The following NINL variants were observed in gnomAD, a reference collection of about 807,000 sequenced individuals.
The protein encoded by NINL is ninein-like protein.
A neutral mutation model predicts 160.3 loss-of-function variants in NINL; 153 were observed. That is an observed-to-expected ratio of 0.95 (90% confidence interval 0.84 to 1.09). The LOEUF is 1.09. Among genes scored for constraint, NINL ranks in the 50% least tolerant of loss-of-function variants. NINL has a pLI of 0.00. For missense variants in NINL, 1,829 were observed against 1,764.0 expected, an observed-to-expected ratio of 1.04 and a Z score of -0.66; for synonymous variants, 800 against 734.8, an observed-to-expected ratio of 1.09 and a Z score of -1.43.
chr20:25,530,990 G>A (rs977367440), intron 1 of NINL, among the ~76,000 whole-genome samples: 69 of 152,200 alleles, frequency 4.5e-4, no homozygotes, highest in Admixed American at 3.7e-3. Flanking sequence ...GCCTGGGAGC[G>A]CTACGGGAGA....
intron 2 of NINL, among the ~76,000 whole-genome samples, chr20:25,519,928 CA>C (rs1233247494): frequency 7.9e-6 from 1 of 126,956 alleles, no homozygotes; most frequent in East Asian, 2.7e-4. Flanking sequence ...TGCTTAAGCC[CA>C]GGAGGTCGAG....
Position 25,498,348 on chromosome 20 carries a change from T to C in NINL, c.1033-2A>G. On this transcript the variant is annotated splice_acceptor_variant, in intron 8 of 23. Transcript: ENST00000278886. LOFTEE classifies it high-confidence loss of function. The stretch of plus-strand genomic sequence containing the variant: ...CTCGTCCACGCTGAAGTCCAGGCTC[T>C]GGAAGCAGCAAGCCTGGTAAGCAGG... 6.2e-7 allele frequency: 1 copy of C among 1,612,490 alleles called. No individual in the cohort carries two copies. Among genetic ancestry groups the C allele is most frequent in the East Asian group, 2.2e-5 (1 of 44,874 alleles).
At chr20:25,491,256 C>T in intron 11 of NINL, 95 bp downstream of exon 11, 1 of 1,407,958 alleles carries the variant, frequency 7.1e-7, no homozygotes, top group Non-Finnish European at 9.6e-7. Context: ...AGGGCACTGG[C>T]AGGTGTGGAT....
At chr20:25,509,914 G>C (rs1165368049) in intron 5 of NINL, among the ~76,000 whole-genome samples, 2 of 152,208 alleles carry the variant, frequency 1.3e-5, no homozygotes, top group Admixed American at 1.3e-4. Context: ...TCTCCCCAGG[G>C]GGATCCACTG....
chr20:25,535,810 G>A (rs758983609), intron 1 of NINL, among the ~76,000 whole-genome samples: 6 of 151,962 alleles, frequency 3.9e-5, no homozygotes, highest in Non-Finnish European at 8.8e-5. Flanking sequence ...TCCCTCTCCC[G>A]CAAAATAATC....
chr20:25,494,022 C>T (rs924872202), intron 10 of NINL, among the ~76,000 whole-genome samples: 1 of 152,010 alleles, frequency 6.6e-6, no homozygotes, highest in African/African-American at 2.4e-5. Flanking sequence ...CCAGTGGCAC[C>T]AAGAACGTAC....
intron 23 of NINL, 73 bp from the exon 24 acceptor site, chr20:25,453,715 A>G (rs2072975): frequency 0.18 from 251,236 of 1,398,864 alleles, 23,974 homozygotes; most frequent in East Asian, 0.34. Flanking sequence ...GCTCTCTTTT[A>G]TCCTCCCAGG....
rs144093265 is a variant in NINL at position 25,470,821 on chromosome 20, C to T, written c.3249-726G>A. Among the ~76,000 whole-genome samples the T allele has an allele frequency of 2.6e-5, 4 of 152,212 alleles. No individual in the cohort carries two copies. The East Asian group carries it at 7.7e-4, about 29-fold the overall frequency. On this transcript the variant is annotated intron_variant, in intron 17 of 23. Coordinates refer to ENST00000278886, the MANE Select transcript of NINL (RefSeq NM_025176.6). ...ACCCTCCTGGGCAACATAGTGAGAC[C>T]TTGTCTGTGAAAAAACAAAAAAGAT...
chr20:25,475,977 G>A (rs1402379718), intron 17 of NINL, 66 bp downstream of exon 17: 3 of 1,501,990 alleles, frequency 2.0e-6, no homozygotes, highest in African/African-American at 2.8e-5. Flanking sequence ...AGCAACAGGG[G>A]TCAGTGGGTT....
intron 4 of NINL, among the ~76,000 whole-genome samples, chr20:25,512,115 C>T (rs1194546471): frequency 6.6e-6 from 1 of 152,224 alleles, no homozygotes; most frequent in African/African-American, 2.4e-5. Context: ...GTGATCCCTG[C>T]ATCCCAGGCA....
intron 11 of NINL, 27 bp downstream of exon 11, chr20:25,491,324 T>A: frequency 6.3e-7 from 1 of 1,585,058 alleles, no homozygotes; most frequent in Non-Finnish European, 8.6e-7. Flanking sequence ...CCCCCCAGCT[T>A]CCTGGATGCC....
chr20:25,466,923 A>G (rs1461934868), intron 19 of NINL, among the ~76,000 whole-genome samples: 2 of 152,240 alleles, frequency 1.3e-5, no homozygotes, highest in Non-Finnish European at 2.9e-5. Flanking sequence ...CCTTGGCAAC[A>G]TAGTGAGACC....
At chr20:25,462,631 A>G (rs1041157516) in intron 19 of NINL, 90 bp from the exon 20 acceptor site, 1 of 914,858 alleles carries the variant, frequency 1.1e-6, no homozygotes, top group Non-Finnish European at 1.6e-6. Context: ...CTATATTTTT[A>G]TTAAGTAGTC....
In NINL at chr20:25,522,180, T is replaced by A. The variant is rs553340602; in HGVS notation, c.180+4228A>T. Among the ~76,000 whole-genome samples the A allele has an allele frequency of 6.6e-5, 10 of 152,350 alleles. No homozygotes were observed. In the East Asian group the frequency reaches 1.9e-3, roughly 29 times the overall value. On this transcript the variant is annotated intron_variant, in intron 2 of 23. Coordinates refer to ENST00000278886, the MANE Select transcript of NINL (RefSeq NM_025176.6). ...GCCTTGGCCTACCAAAGTACTGGGATTACAGACCTGAGCCACCATGCCAAG... is the reference window on the plus strand; with the variant it reads ...GCCTTGGCCTACCAAAGTACTGGGAATACAGACCTGAGCCACCATGCCAAG...
chr20:25,476,700 C>G lies in NINL; in HGVS notation c.2591G>C (p.Gly864Ala), dbSNP rs2063256277. 6.3e-7 allele frequency: 1 copy of G among 1,596,644 alleles called. No individual in the cohort carries two copies. The highest frequency in any genetic ancestry group is 1.3e-5 in the African/African-American group (1 of 74,878). ...GERPLAWLAP[G>A]DGRESEEAAG... is the part of the protein sequence containing the mutation. Reference sequence around the variant, plus strand: ...CGCCTCCTCAGACTCTCTGCCATCACCTGGGGCCAGCCAGGCCAGTGGCCG... The same window carrying G: ...CGCCTCCTCAGACTCTCTGCCATCAGCTGGGGCCAGCCAGGCCAGTGGCCG... Residue 864 changes from glycine to alanine, a missense_variant, in exon 17 of 24, where the codon GGT (glycine) becomes GCT (alanine). By Grantham distance (60) the Gly-to-Ala change is moderately conservative (BLOSUM62 0). Coordinates refer to ENST00000278886, the MANE Select transcript of NINL (RefSeq NM_025176.6).
rs548250363 is a variant in NINL, at chr20:25,570,418, C to A, written c.-12+15037G>T. ...TTGGTTGTTTAAAGGCATGTGGCAC[C>A]TCCTCGCTTGCTCTCTCATGCTCCT... On this transcript the variant is annotated intron_variant, in intron 1 of 23. Coordinates refer to ENST00000278886, the MANE Select transcript of NINL (RefSeq NM_025176.6). 3.9e-5 allele frequency among the ~76,000 whole-genome samples: 6 copies of A among 152,142 alleles called. No individual in the cohort carries two copies. In the East Asian group the frequency reaches 1.2e-3, roughly 29 times the overall value.
At chr20:25,532,088 C>A (rs1384820456) in intron 1 of NINL, among the ~76,000 whole-genome samples, 1 of 152,180 alleles carries the variant, frequency 6.6e-6, no homozygotes, top group Non-Finnish European at 1.5e-5. Context: ...ACACTGCAAA[C>A]CCTCTGTGGA....
intron 5 of NINL, among the ~76,000 whole-genome samples, chr20:25,505,665 C>T (rs563122877): frequency 1.3e-5 from 2 of 152,242 alleles, no homozygotes; most frequent in South Asian, 2.1e-4. Flanking sequence ...TGAAGCATTT[C>T]GGGGAAGCAC....
At chr20:25,459,689 C>G (rs533181229) in intron 21 of NINL, among the ~76,000 whole-genome samples, 3 of 152,144 alleles carry the variant, frequency 2.0e-5, no homozygotes, top group South Asian at 2.1e-4. Flanking sequence ...CACCACCCCC[C>G]ACAGCCATCC....
Sources: allele counts gnomAD v4.1 joint callset (sites outside exome capture counted in the v4.1 genomes callset), GRCh38; gene constraint gnomAD v4.1.1; transcripts MANE v1.5; gene names NCBI Gene and HGNC (gene_info 2026-07-23, HGNC 2026-07-21).